MICAL2: variants seen among roughly 807,000 people sequenced by gnomAD.
MICAL2 encodes [F-actin]-monooxygenase MICAL2.
MICAL2 carries 77 observed loss-of-function variants against 127.3 expected under a neutral mutation model. The ratio of observed to expected loss-of-function variants is 0.60; its 90% confidence interval spans 0.50 to 0.73. The LOEUF is 0.73. Ranked by LOEUF, MICAL2 falls within the 30% of genes least tolerant of loss-of-function variation. The pLI, the probability that MICAL2 is intolerant of heterozygous loss-of-function variation, is 0.00. For synonymous variants in MICAL2, 570 were observed against 551.1 expected (o/e 1.03, Z -0.48); for missense variants, 1,351 against 1,434.4 (o/e 0.94, Z 0.94).
At chr11:12,171,670 G>A (rs905550297) in intron 3 of MICAL2, among the ~76,000 whole-genome samples, 4 of 152,206 alleles carry the variant, frequency 2.6e-5, no homozygotes, top group Non-Finnish European at 4.4e-5. Context: ...TAATTGAGAT[G>A]CTGACCAGAG....
At chr11:12,160,827 G>A (rs943662785) in intron 2 of MICAL2, among the ~76,000 whole-genome samples, 2 of 152,212 alleles carry the variant, frequency 1.3e-5, no homozygotes, top group Admixed American at 1.3e-4. Context: ...CTTGAGTGGT[G>A]CCCGACTCTT....
At chr11:12,157,951 T>A (rs1854370130) in intron 2 of MICAL2, among the ~76,000 whole-genome samples, 1 of 151,900 alleles carries the variant, frequency 6.6e-6, no homozygotes, top group African/African-American at 2.4e-5. Flanking sequence ...AATAAATGAG[T>A]TGTCCAAGTC....
In MICAL2 at chr11:12,204,512, G is replaced by A. The variant is rs1854424908; in HGVS notation, c.472+55G>A. 6 of 1,557,760 alleles carry A rather than the reference G, an allele frequency of 3.9e-6. No individual in the cohort carries two copies. The Middle Eastern group carries it at 8.5e-4, about 222-fold the overall frequency. Reference sequence around the variant, plus strand: ...AAGGGAGGGGACTGACCCTGGGTGGGACATATCTCTCCAGGTCTAGGAGTC... The same window carrying A: ...AAGGGAGGGGACTGACCCTGGGTGGAACATATCTCTCCAGGTCTAGGAGTC... On this transcript the variant is annotated intron_variant, in intron 4 of 27. Coordinates refer to ENST00000683283, the MANE Select transcript of MICAL2 (RefSeq NM_001282663.2).
chr11:12,204,354 G>A lies in MICAL2; in HGVS notation c.369G>A (p.Arg123=). The change falls in exon 4 of 28, where the codon CGG becomes CGA. Residue 123 remains arginine, a synonymous_variant. Coordinates refer to ENST00000683283, the MANE Select transcript of MICAL2 (RefSeq NM_001282663.2). The part of the protein sequence containing the change: ...VVVEKRDSFS[R]NNVLHLWPFT... Reference sequence around the variant, plus strand: ...TGGAGAAGAGGGACTCCTTCTCCCGGAACAACGTGCTACACCTCTGGCCTT... The same window carrying A: ...TGGAGAAGAGGGACTCCTTCTCCCGAAACAACGTGCTACACCTCTGGCCTT... 1 of 1,614,090 alleles carries A rather than the reference G, an allele frequency of 6.2e-7. No individual in the cohort carries two copies. Among genetic ancestry groups the A allele is most frequent in the Non-Finnish European group, 8.5e-7 (1 of 1,179,974 alleles).
intron 11 of MICAL2, 127 bp from the exon 12 acceptor site, chr11:12,223,283 AG>A: frequency 2.6e-6 from 2 of 756,082 alleles, no homozygotes; most frequent in Non-Finnish European, 2.2e-6. Flanking sequence ...CCCTTGCCGA[AG>A]GTCATGCCTC....
chr11:12,238,985 C>T (rs1013203581), intron 16 of MICAL2, among the ~76,000 whole-genome samples: 8 of 152,316 alleles, frequency 5.3e-5, no homozygotes, highest in South Asian at 2.1e-4. Flanking sequence ...TGACCCCACC[C>T]GTGCTTCCTT....
At chr11:12,165,583 G>A (rs1210347633) in intron 3 of MICAL2, among the ~76,000 whole-genome samples, 13 of 152,220 alleles carry the variant, frequency 8.5e-5, no homozygotes, top group Admixed American at 2.6e-4. Context: ...CCAGAACCCC[G>A]ACCTTTGTGC....
At chr11:12,128,850 C>A (rs1275863994) in intron 1 of MICAL2, among the ~76,000 whole-genome samples, 1 of 152,232 alleles carries the variant, frequency 6.6e-6, no homozygotes, top group Admixed American at 6.5e-5. Context: ...TTGTCATCTG[C>A]AAACTTGCTT....
Position 12,136,278 on chromosome 11 carries a change from C to T in MICAL2, c.-148-2112C>T, listed in dbSNP as rs565793712. On this transcript the variant is annotated intron_variant, in intron 1 of 27. Coordinates refer to ENST00000683283, the MANE Select transcript of MICAL2 (RefSeq NM_001282663.2). ...TATAGTGTCAGGGAGTGAGCATGGGCGTGGACTCAGGCCAGCTCCATCGGG... is the reference window on the plus strand; with the variant it reads ...TATAGTGTCAGGGAGTGAGCATGGGTGTGGACTCAGGCCAGCTCCATCGGG... Among the ~76,000 whole-genome samples the T allele has an allele frequency of 1.6e-3, 236 of 152,250 alleles. 2 individuals carry two copies. The highest frequency in any genetic ancestry group is 4.8e-3 in the African/African-American group (200 of 41,560).
At chr11:12,174,469 T>C (rs1856621416) in intron 3 of MICAL2, among the ~76,000 whole-genome samples, 1 of 150,822 alleles carries the variant, frequency 6.6e-6, no homozygotes. Flanking sequence ...GCTTATTCAC[T>C]TGGCCTGATG....
intron 3 of MICAL2, among the ~76,000 whole-genome samples, chr11:12,188,768 G>A (rs568386330): frequency 3.3e-5 from 5 of 152,184 alleles, no homozygotes; most frequent in South Asian, 4.2e-4. Flanking sequence ...TGAAATGGAC[G>A]CAATGATACC....
At chr11:12,128,202 A>G (rs1256708631) in intron 1 of MICAL2, among the ~76,000 whole-genome samples, 2 of 152,226 alleles carry the variant, frequency 1.3e-5, no homozygotes, top group Admixed American at 1.3e-4. Context: ...AACCAGGTGA[A>G]TACTAGTTAA....
At chr11:12,292,830 G>T (rs891542137), downstream of MICAL2, among the ~76,000 whole-genome samples, 1 of 152,208 alleles carries the variant, frequency 6.6e-6, no homozygotes, top group African/African-American at 2.4e-5. Flanking sequence ...AGACAGAAAA[G>T]ATGGGTGCTC....
At chr11:12,320,349 T>G (rs1297077368) in intron 30 of MICAL2, among the ~76,000 whole-genome samples, 1 of 152,158 alleles carries the variant, frequency 6.6e-6, no homozygotes, top group Non-Finnish European at 1.5e-5. Context: ...AACATTAATG[T>G]TTTTGGAGAA....
At chr11:12,113,172 T>TACACCATTCTATTGTTTCATTCTGC (rs1849735778) in intron 1 of MICAL2, among the ~76,000 whole-genome samples, 1 of 152,372 alleles carries the variant, frequency 6.6e-6, no homozygotes, top group East Asian at 1.9e-4. Flanking sequence ...TTTCATTCTT[T>TACACCATTCTATTGTTTCATTCTGC]ACATCATTCT....
At chr11:12,321,844 G>T (rs993778996) in intron 30 of MICAL2, among the ~76,000 whole-genome samples, 1 of 152,080 alleles carries the variant, frequency 6.6e-6, no homozygotes, top group African/African-American at 2.4e-5. Flanking sequence ...CCTTTCGCCT[G>T]GGAATTGCAT....
At chr11:12,137,585 TAG>T (rs762225966) in intron 1 of MICAL2, among the ~76,000 whole-genome samples, 1 of 151,556 alleles carries the variant, frequency 6.6e-6, no homozygotes, top group African/African-American at 2.4e-5. Context: ...CTTTGTGTGC[TAG>T]AGAGAGAGAG....
intron 16 of MICAL2, among the ~76,000 whole-genome samples, chr11:12,238,923 T>A (rs933699237): frequency 6.6e-6 from 1 of 151,976 alleles, no homozygotes; most frequent in Non-Finnish European, 1.5e-5. Flanking sequence ...AAGCTGGGGG[T>A]AGGTACAGAG....
At chr11:12,283,294 C>T (rs16910992) in intron 2 of MICAL2, among the ~76,000 whole-genome samples, 2,313 of 137,206 alleles carry the variant, frequency 0.017, 56 homozygotes, top group African/African-American at 0.059. Context: ...GAATGCCAGA[C>T]AAGACCAGGA....
Sources: allele counts gnomAD v4.1 joint callset (sites outside exome capture counted in the v4.1 genomes callset), GRCh38; gene constraint gnomAD v4.1.1; transcripts MANE v1.5; gene names NCBI Gene and HGNC (gene_info 2026-07-23, HGNC 2026-07-21).